Variants in RNF121 observed in about 807,000 individuals in gnomAD.
RNF121 encodes the protein ring finger protein 121, also known as E3 ubiquitin ligase RNF121.
In RNF121, 21 loss-of-function variants were observed where a neutral mutation model predicts 46.5. The observed-to-expected ratio is 0.45, with a 90% confidence interval of 0.32 to 0.65. The LOEUF is 0.65. Ranked by LOEUF, RNF121 falls within the 30% of genes least tolerant of loss-of-function variation. RNF121 has a pLI of 0.04. For synonymous variants in RNF121, 139 were observed against 144.7 expected (o/e 0.96, Z 0.28); for missense variants, 346 against 416.0 (o/e 0.83, Z 1.46).
intron 3 of RNF121, among the ~76,000 whole-genome samples, chr11:71,969,695 T>C (rs1358703626): frequency 1.3e-5 from 2 of 152,098 alleles, no homozygotes; most frequent in Non-Finnish European, 2.9e-5. Context: ...CCCAGGTAAA[T>C]GGGACCACAG....
intron 1 of RNF121, among the ~76,000 whole-genome samples, chr11:71,946,867 C>CTTTTTTTTTTTTTTTTT (rs34778760): frequency 1.0e-5 from 1 of 98,408 alleles, no homozygotes; most frequent in African/African-American, 4.1e-5. Context: ...TGCTCTGGCT[C>CTTTTTTTTTTTTTTTTT]TTTTTTTTTT....
intron 5 of RNF121, 64 bp from the exon 6 acceptor site, chr11:71,990,533 A>G: frequency 6.3e-7 from 1 of 1,582,850 alleles, no homozygotes; most frequent in South Asian, 1.2e-5. Context: ...TGTGTCCCAG[A>G]GTAGTAATCC....
At chr11:71,974,716 T>C (rs935385524) in intron 3 of RNF121, among the ~76,000 whole-genome samples, 1 of 152,350 alleles carries the variant, frequency 6.6e-6, no homozygotes, top group African/African-American at 2.4e-5. Context: ...TTAACGACTT[T>C]TGCCCAAGTC....
intron 1 of RNF121, among the ~76,000 whole-genome samples, chr11:71,930,189 C>G (rs1565134881): frequency 6.6e-6 from 1 of 152,188 alleles, no homozygotes; most frequent in Non-Finnish European, 1.5e-5. Flanking sequence ...TGTTTGTGAT[C>G]TTGCACATGC....
At chr11:71,949,156 G>T (rs112335672) in intron 1 of RNF121, among the ~76,000 whole-genome samples, 3,916 of 152,224 alleles carry the variant, frequency 0.026, 54 homozygotes, top group East Asian at 0.075. Context: ...GGTGGTTCAC[G>T]CCTGTAATCC....
At chr11:71,974,990 C>T (rs1954499914) in intron 3 of RNF121, among the ~76,000 whole-genome samples, 1 of 152,170 alleles carries the variant, frequency 6.6e-6, no homozygotes, top group Non-Finnish European at 1.5e-5. Context: ...AAGTTTATGC[C>T]TGGAAAAGTA....
intron 3 of RNF121, among the ~76,000 whole-genome samples, chr11:71,973,079 G>A (rs1039792410): frequency 1.4e-4 from 21 of 151,926 alleles, no homozygotes; most frequent in African/African-American, 4.1e-4. Context: ...CCAGCTACTC[G>A]GAAGGCTGAG....
chr11:71,979,478 T>C (rs972607478), intron 3 of RNF121, among the ~76,000 whole-genome samples: 2 of 152,218 alleles, frequency 1.3e-5, no homozygotes, highest in African/African-American at 2.4e-5. Context: ...TGACTTGATA[T>C]AGCTTTACGT....
At chr11:71,951,775 A>G (rs1353485223) in intron 1 of RNF121, among the ~76,000 whole-genome samples, 1 of 152,192 alleles carries the variant, frequency 6.6e-6, no homozygotes, top group South Asian at 2.1e-4. Context: ...TCAAAACCAC[A>G]TTGAGATACC....
intron 5 of RNF121, among the ~76,000 whole-genome samples, chr11:71,989,070 T>TTTTGTTTG (rs10654699): frequency 0.027 from 3,994 of 150,244 alleles, 73 homozygotes; most frequent in Middle Eastern, 0.055. Flanking sequence ...CATTATGGTT[T>TTTTGTTTG]TTTGTTTGTT....
At chr11:71,946,829 C>T (rs1953734735) in intron 1 of RNF121, among the ~76,000 whole-genome samples, 1 of 149,666 alleles carries the variant, frequency 6.7e-6, no homozygotes, top group South Asian at 2.1e-4. Flanking sequence ...TCTCCTGCTT[C>T]AGCCTCCTAA....
At chr11:71,968,912 C>T (rs1429756013) in intron 3 of RNF121, among the ~76,000 whole-genome samples, 1 of 128,752 alleles carries the variant, frequency 7.8e-6, no homozygotes, top group Non-Finnish European at 1.6e-5. Context: ...TTGAGTCAGG[C>T]TCTTGCTGTG....
chr11:71,933,993 A>G (rs73527765), intron 1 of RNF121, among the ~76,000 whole-genome samples: 1,816 of 152,184 alleles, frequency 0.012, 28 homozygotes, highest in African/African-American at 0.042. Flanking sequence ...CTAGCACTCT[A>G]TGTACTGTTT....
chr11:71,959,637 CTTTTTT>C (rs893968966), intron 2 of RNF121, among the ~76,000 whole-genome samples: 9 of 138,246 alleles, frequency 6.5e-5, no homozygotes, highest in African/African-American at 2.2e-4. Flanking sequence ...CTCTCTTCTT[CTTTTTT>C]TTTTTTTTTT....
intron 1 of RNF121, among the ~76,000 whole-genome samples, chr11:71,948,034 C>G (rs1467755475): frequency 1.3e-5 from 2 of 151,966 alleles, no homozygotes; most frequent in African/African-American, 4.8e-5. Flanking sequence ...GAGGTGACAC[C>G]TAGATTGGAT....
intron 3 of RNF121, among the ~76,000 whole-genome samples, chr11:71,963,578 C>G (rs1051044602): frequency 6.6e-6 from 1 of 152,140 alleles, no homozygotes; most frequent in East Asian, 1.9e-4. Context: ...CAAGATCGCA[C>G]CACTGCACCC....
intron 1 of RNF121, 145 bp downstream of exon 1, chr11:71,929,269 A>C (rs1953201907): frequency 7.4e-7 from 1 of 1,352,170 alleles, no homozygotes; most frequent in East Asian, 2.7e-5. Flanking sequence ...GTGGAGAGCG[A>C]AGTCAGAGGC....
At chr11:71,965,700 T>G (rs537251337) in intron 3 of RNF121, among the ~76,000 whole-genome samples, 12 of 152,338 alleles carry the variant, frequency 7.9e-5, no homozygotes. Flanking sequence ...TTTTATAGAA[T>G]GCACTCCTAG....
chr11:71,982,825 G>A lies in RNF121; in HGVS notation c.308G>A (p.Arg103Lys), dbSNP rs1954691019. The A allele has an allele frequency of 5.6e-6, 9 of 1,613,940 alleles. No individual in the cohort carries two copies. The highest frequency in any genetic ancestry group is 7.6e-6 in the Non-Finnish European group (9 of 1,179,936). ...TTCACAGTGAAGCTGCACTGGTGGAGGTTCCTAGTGATCTGGATCTTGTTC... is the reference window on the plus strand; with the variant it reads ...TTCACAGTGAAGCTGCACTGGTGGAAGTTCCTAGTGATCTGGATCTTGTTC... Reference protein sequence around the residue: ...LYFTVKLHWWRFLVIWILFSA... With the variant: ...LYFTVKLHWWKFLVIWILFSA... Residue 103 changes from arginine (R) to lysine (K), a missense_variant, in exon 4 of 9, where the codon AGG (arginine) becomes AAG (lysine). Coordinates refer to ENST00000361756, the MANE Select transcript of RNF121 (RefSeq NM_018320.5).
Sources: allele counts gnomAD v4.1 joint callset (sites outside exome capture counted in the v4.1 genomes callset), GRCh38; gene constraint gnomAD v4.1.1; transcripts MANE v1.5; gene names NCBI Gene and HGNC (gene_info 2026-07-23, HGNC 2026-07-21).